BMPR1A: variants seen among roughly 807,000 people sequenced by gnomAD.
The protein encoded by BMPR1A is bone morphogenetic protein receptor type 1A.
A neutral mutation model predicts 66.0 loss-of-function variants in BMPR1A; 7 were observed. The observed-to-expected ratio is 0.11, with a 90% CI of 0.06 to 0.20. The LOEUF (loss-of-function observed/expected upper bound fraction) is 0.20, where lower values mean the gene tolerates loss of function less well. Ranked by LOEUF, BMPR1A falls within the 10% of genes least tolerant of loss-of-function variation. The pLI, the probability that BMPR1A is intolerant of heterozygous loss-of-function variation, is 1.00. For synonymous variants in BMPR1A, 200 were observed against 229.7 expected (o/e 0.87, Z 1.17); for missense variants, 408 against 669.1 (o/e 0.61, Z 4.31).
At chr10:86,901,384 A>C (rs947026641) in intron 7 of BMPR1A, among the ~76,000 whole-genome samples, 6 of 152,204 alleles carry the variant, frequency 3.9e-5, no homozygotes, top group Admixed American at 2.0e-4. Flanking sequence ...GACTTTCTGA[A>C]AATTGACTTT....
At chr10:86,831,258 G>A (rs1228197497) in intron 1 of BMPR1A, among the ~76,000 whole-genome samples, 1 of 151,828 alleles carries the variant, frequency 6.6e-6, no homozygotes, top group Non-Finnish European at 1.5e-5. Context: ...TTGTGTGTAC[G>A]GTTTTGTTTT....
intron 1 of BMPR1A, among the ~76,000 whole-genome samples, chr10:86,816,403 C>T (rs951015435): frequency 3.3e-5 from 5 of 151,874 alleles, no homozygotes; most frequent in African/African-American, 4.8e-5. Context: ...TGGCATTATC[C>T]GCAGCACTGA....
At chr10:86,780,871 G>C (rs762165452) in intron 1 of BMPR1A, among the ~76,000 whole-genome samples, 1 of 145,964 alleles carries the variant, frequency 6.9e-6, no homozygotes, top group Non-Finnish European at 1.5e-5. Context: ...AAAAATAATC[G>C]TGTGAAATCA....
At chr10:86,848,359 A>G (rs1038854469) in intron 2 of BMPR1A, among the ~76,000 whole-genome samples, 1 of 152,210 alleles carries the variant, frequency 6.6e-6, no homozygotes, top group Non-Finnish European at 1.5e-5. Context: ...TGCCTGGCCT[A>G]TAGAGCTCTA....
chr10:86,836,268 G>A (rs569458889), intron 1 of BMPR1A, among the ~76,000 whole-genome samples: 1 of 151,344 alleles, frequency 6.6e-6, no homozygotes, highest in South Asian at 2.1e-4. Flanking sequence ...ATAGATCTGT[G>A]CTCATAGGAC....
At chr10:86,920,815 T>C (rs1413706980) in intron 10 of BMPR1A, among the ~76,000 whole-genome samples, 2 of 151,734 alleles carry the variant, frequency 1.3e-5, no homozygotes, top group Non-Finnish European at 2.9e-5. Context: ...TTCTCAGACA[T>C]AATTATCTAC....
intron 1 of BMPR1A, among the ~76,000 whole-genome samples, chr10:86,771,350 TTTTAG>T (rs1355917579): frequency 6.6e-6 from 1 of 152,190 alleles, no homozygotes; most frequent in East Asian, 1.9e-4. Flanking sequence ...GGTAAGTAGG[TTTTAG>T]TTTAAAGAAT....
At chr10:86,795,754 T>C (rs1841699943) in intron 1 of BMPR1A, among the ~76,000 whole-genome samples, 1 of 152,208 alleles carries the variant, frequency 6.6e-6, no homozygotes, top group Non-Finnish European at 1.5e-5. Flanking sequence ...AGGCTTTCTT[T>C]ACTTTTTTAT....
chr10:86,846,691 ACT>A (rs1475188255), intron 2 of BMPR1A, among the ~76,000 whole-genome samples: 1 of 151,736 alleles, frequency 6.6e-6, no homozygotes, highest in African/African-American at 2.4e-5. Context: ...ACGAAGCAAG[ACT>A]CTGTCCCCCG....
rs572700279 is a variant in BMPR1A at position 86,819,997 on chromosome 10, C to A, written c.-267-18868C>A. ...GCTTTCTAGCACTTTTCCTACTAAC[C>A]CTGCTTCTCACCCTGTACCTAATAC... is the stretch of plus-strand genomic sequence containing the variant. On this transcript the variant is annotated intron_variant, in intron 1 of 12. Coordinates refer to ENST00000372037, the MANE Select transcript of BMPR1A (RefSeq NM_004329.3). Among the ~76,000 whole-genome samples the A allele has an allele frequency of 5.9e-5, 9 of 152,222 alleles. No homozygotes were observed. In the South Asian group the frequency reaches 1.5e-3, roughly 25 times the overall value.
chr10:86,829,576 C>T (rs1439550874), intron 1 of BMPR1A, among the ~76,000 whole-genome samples: 1 of 152,230 alleles, frequency 6.6e-6, no homozygotes, highest in African/African-American at 2.4e-5. Context: ...CAAGCTCTCC[C>T]TTGTGCTGCA....
At chr10:86,813,799 C>G (rs1842000557) in intron 1 of BMPR1A, among the ~76,000 whole-genome samples, 1 of 152,140 alleles carries the variant, frequency 6.6e-6, no homozygotes, top group Non-Finnish European at 1.5e-5. Flanking sequence ...ATTCCTATGT[C>G]AGTATCCCTC....
chr10:86,802,819 G>T (rs563402369), intron 1 of BMPR1A, among the ~76,000 whole-genome samples: 1 of 150,760 alleles, frequency 6.6e-6, no homozygotes, highest in African/African-American at 2.4e-5. Context: ...AAAAAAAAAA[G>T]GAGTTAATTG....
chr10:86,828,619 G>T (rs548118762), intron 1 of BMPR1A, among the ~76,000 whole-genome samples: 1 of 152,122 alleles, frequency 6.6e-6, no homozygotes, highest in South Asian at 2.1e-4. Flanking sequence ...AGCAGATCTG[G>T]TGAACCCTTA....
At chr10:86,847,981 G>C (rs1215241315) in intron 2 of BMPR1A, among the ~76,000 whole-genome samples, 1 of 150,646 alleles carries the variant, frequency 6.6e-6, no homozygotes, top group East Asian at 1.9e-4. Context: ...GCCCAAGTTG[G>C]AGTACAGTGG....
chr10:86,813,130 A>G (rs1487764354), intron 1 of BMPR1A, among the ~76,000 whole-genome samples: 1 of 151,958 alleles, frequency 6.6e-6, no homozygotes, highest in South Asian at 2.1e-4. Flanking sequence ...TTGTTTTTTG[A>G]ATTGTTATGA....
At chr10:86,862,235 T>G (rs940469359) in intron 2 of BMPR1A, among the ~76,000 whole-genome samples, 1 of 152,006 alleles carries the variant, frequency 6.6e-6, no homozygotes, top group Admixed American at 6.6e-5. Context: ...CAGTTTTAAA[T>G]AGGGTGGGCA....
rs559466375 is a variant in BMPR1A, at chr10:86,882,226, C to A, written c.67+6141C>A. Among the ~76,000 whole-genome samples the A allele has an allele frequency of 2.6e-5, 4 of 152,152 alleles. No homozygotes were observed. The East Asian group carries it at 7.7e-4, about 29-fold the overall frequency. On this transcript the variant is annotated intron_variant, in intron 3 of 12. Transcript: ENST00000372037. Reference sequence around the variant, plus strand: ...GTGCAGTGGCTCAGGAGTTCGAGACCAGCCTGGCCAACATGGTGAAACCCT... The same window carrying A: ...GTGCAGTGGCTCAGGAGTTCGAGACAAGCCTGGCCAACATGGTGAAACCCT...
chr10:86,783,764 T>A (rs1300784018), intron 1 of BMPR1A, among the ~76,000 whole-genome samples: 1 of 152,170 alleles, frequency 6.6e-6, no homozygotes, highest in Non-Finnish European at 1.5e-5. Flanking sequence ...AACTTTTAAA[T>A]TTTTTGTACA....
Sources: allele counts gnomAD v4.1 joint callset (sites outside exome capture counted in the v4.1 genomes callset), GRCh38; gene constraint gnomAD v4.1.1; transcripts MANE v1.5; gene names NCBI Gene and HGNC (gene_info 2026-07-23, HGNC 2026-07-21).